SRRM4: variants seen among roughly 807,000 people sequenced by gnomAD.
SRRM4 encodes serine/arginine repetitive matrix 4, also known as serine/arginine repetitive matrix protein 4.
Under a neutral mutation model 68.9 loss-of-function variants are expected in SRRM4, and 33 were observed. The ratio of observed to expected loss-of-function variants is 0.48; its 90% CI spans 0.36 to 0.64. The LOEUF (loss-of-function observed/expected upper bound fraction) is 0.64. Among genes scored for constraint, SRRM4 ranks in the 30% least tolerant of loss-of-function variants. The pLI is 0.00. For synonymous variants in SRRM4, 318 were observed against 318.8 expected, an observed-to-expected ratio of 1.00 and a Z score of 0.03; for missense variants, 817 against 827.1, an observed-to-expected ratio of 0.99 and a Z score of 0.15.
chr12:119,095,936 G>A (rs1294773442), intron 1 of SRRM4, among the ~76,000 whole-genome samples: 1 of 144,658 alleles, frequency 6.9e-6, no homozygotes, highest in Non-Finnish European at 1.5e-5. Context: ...CTCCAGCCTG[G>A]GCGATAGATT....
intron 4 of SRRM4, 62 bp from the exon 5 acceptor site, chr12:119,120,184 CCTCT>C: frequency 1.8e-6 from 2 of 1,126,442 alleles, no homozygotes. Context: ...TCTCTCTCTC[CCTCT>C]CTTTCTCTGC....
intron 1 of SRRM4, among the ~76,000 whole-genome samples, chr12:119,083,204 A>C (rs11064656): frequency 0.29 from 44,379 of 151,458 alleles, 6,951 homozygotes; most frequent in East Asian, 0.45. Flanking sequence ...AACCACCCAC[A>C]ATTTCTGAGC....
intron 1 of SRRM4, among the ~76,000 whole-genome samples, chr12:119,039,018 GT>G (rs1459254543): frequency 1.3e-5 from 2 of 152,210 alleles, no homozygotes; most frequent in African/African-American, 4.8e-5. Flanking sequence ...CAAAATGCAA[GT>G]ACTGAACAGG....
chr12:119,029,807 T>C lies in SRRM4; in HGVS notation c.131+47794T>C, dbSNP rs114141893. 8.2e-3 allele frequency among the ~76,000 whole-genome samples: 1,251 copies of C among 152,260 alleles called. 23 individuals are homozygous for C. The highest frequency in any genetic ancestry group is 0.029 in the African/African-American group (1,185 of 41,554). ...ACAGATCCCCTTCTCCTCCAGGTAA[T>C]GGGAGCCTTGGATTAAATGCAGACA... is the stretch of plus-strand genomic sequence containing the variant. On this transcript the variant is annotated intron_variant, in intron 1 of 12. Transcript: ENST00000267260.
intron 9 of SRRM4, among the ~76,000 whole-genome samples, chr12:119,148,885 T>C (rs1314363070): frequency 6.6e-6 from 1 of 151,714 alleles, no homozygotes; most frequent in East Asian, 1.9e-4. Context: ...ATGGGCTGAG[T>C]GGAAGAGACA....
chr12:119,064,960 A>C (rs758083447), intron 1 of SRRM4, among the ~76,000 whole-genome samples: 1 of 152,220 alleles, frequency 6.6e-6, no homozygotes, highest in Non-Finnish European at 1.5e-5. Context: ...CCCCTGCTTT[A>C]CTGATAACAA....
chr12:119,001,927 G>A (rs1409375914), intron 1 of SRRM4: 1 of 149,922 alleles, frequency 6.7e-6, no homozygotes, highest in African/African-American at 2.5e-5. Flanking sequence ...AGGTTGCAGT[G>A]AGCTGTGATC....
At chr12:119,009,820 A>G (rs1006530476) in intron 1 of SRRM4, among the ~76,000 whole-genome samples, 2 of 152,182 alleles carry the variant, frequency 1.3e-5, no homozygotes, top group Non-Finnish European at 2.9e-5. Flanking sequence ...GAACCAACTA[A>G]CTACAAAAAG....
intron 1 of SRRM4, among the ~76,000 whole-genome samples, chr12:119,068,887 C>T (rs575620442): frequency 2.4e-4 from 36 of 152,070 alleles, no homozygotes; most frequent in Admixed American, 1.4e-3. Flanking sequence ...CATGAGGCGT[C>T]GGGAGGGGAG....
intron 8 of SRRM4, among the ~76,000 whole-genome samples, chr12:119,132,711 TC>T (rs1954305800): frequency 6.6e-6 from 1 of 152,244 alleles, no homozygotes; most frequent in African/African-American, 2.4e-5. Flanking sequence ...CCTGGCCCTA[TC>T]AGAAGAGCTA....
At chr12:119,079,501 T>C (rs1033998156) in intron 1 of SRRM4, among the ~76,000 whole-genome samples, 8 of 152,178 alleles carry the variant, frequency 5.3e-5, no homozygotes, top group African/African-American at 1.9e-4. Context: ...AGCAATTTCT[T>C]TGAGGCATTT....
At chr12:119,036,248 G>A (rs146225854) in intron 1 of SRRM4, among the ~76,000 whole-genome samples, 1,887 of 152,210 alleles carry the variant, frequency 0.012, 26 homozygotes, top group Non-Finnish European at 0.016. Context: ...ACTTGGTGTG[G>A]CCATTGCCTC....
At chr12:119,119,030 G>A (rs973264423) in intron 4 of SRRM4, among the ~76,000 whole-genome samples, 16 of 149,806 alleles carry the variant, frequency 1.1e-4, no homozygotes, top group African/African-American at 3.7e-4. Flanking sequence ...ATGGGACCTA[G>A]GGGTAGCGAA....
intron 1 of SRRM4, among the ~76,000 whole-genome samples, chr12:119,005,454 G>T (rs1242993893): frequency 1.3e-5 from 2 of 152,196 alleles, no homozygotes; most frequent in Non-Finnish European, 2.9e-5. Flanking sequence ...TCTCGGAAGA[G>T]ACCTGGACAT....
At chr12:119,156,467 T>G (rs1046395159) in intron 12 of SRRM4, 28 bp from the exon 13 acceptor site, 2 of 1,561,360 alleles carry the variant, frequency 1.3e-6, no homozygotes, top group Admixed American at 1.8e-5. Context: ...GGGCCGGCCC[T>G]CATCCCTCCT....
chr12:119,147,876 A>G (rs1013295968), intron 9 of SRRM4, among the ~76,000 whole-genome samples: 4 of 152,220 alleles, frequency 2.6e-5, no homozygotes, highest in Non-Finnish European at 5.9e-5. Flanking sequence ...CTGTCATCAT[A>G]ATAGCTACTA....
intron 1 of SRRM4, among the ~76,000 whole-genome samples, chr12:119,040,202 ATTTT>A (rs1460032880): frequency 4.0e-5 from 6 of 151,410 alleles, no homozygotes; most frequent in African/African-American, 1.5e-4. Flanking sequence ...ATTTTATTTT[ATTTT>A]ATTTTTCCAT....
intron 1 of SRRM4, among the ~76,000 whole-genome samples, chr12:119,075,041 G>T (rs1034986744): frequency 6.6e-5 from 10 of 152,200 alleles, no homozygotes; most frequent in Non-Finnish European, 1.5e-4. Flanking sequence ...ATTTGAGTGA[G>T]CCCTGATGGA....
At chr12:119,041,133 T>A (rs190983187) in intron 1 of SRRM4, among the ~76,000 whole-genome samples, 9 of 152,252 alleles carry the variant, frequency 5.9e-5, no homozygotes, top group Admixed American at 5.9e-4. Context: ...TTGTTAATAA[T>A]TCTGTGAAAG....
Sources: allele counts gnomAD v4.1 joint callset (sites outside exome capture counted in the v4.1 genomes callset), GRCh38; gene constraint gnomAD v4.1.1; transcripts MANE v1.5; gene names NCBI Gene and HGNC (gene_info 2026-07-23, HGNC 2026-07-21).